The following GALNT10 variants were observed in gnomAD, a reference collection of about 807,000 sequenced individuals.
GALNT10 encodes the protein GalNAc transferase 10.
GALNT10 carries 41 observed loss-of-function variants against 75.0 expected under a neutral mutation model. The ratio of observed to expected loss-of-function variants is 0.55; its 90% confidence interval spans 0.43 to 0.71. The LOEUF (loss-of-function observed/expected upper bound fraction) is 0.71. Ranked by LOEUF, GALNT10 falls within the 30% of genes least tolerant of loss-of-function variation. The pLI, the probability that GALNT10 is intolerant of heterozygous loss-of-function variation, is 0.00. For synonymous variants in GALNT10, 302 were observed against 313.0 expected (o/e 0.96, Z 0.37); for missense variants, 727 against 818.5 (o/e 0.89, Z 1.36).
chr5:154,199,299 G>C (rs1331231876), intron 1 of GALNT10, among the ~76,000 whole-genome samples: 1 of 152,078 alleles, frequency 6.6e-6, no homozygotes, highest in East Asian at 1.9e-4. Context: ...GTCCAACAGG[G>C]AACTCCTCTC....
intron 3 of GALNT10, among the ~76,000 whole-genome samples, chr5:154,316,674 CA>C (rs1056353498): frequency 6.6e-6 from 1 of 152,192 alleles, no homozygotes; most frequent in Non-Finnish European, 1.5e-5. Context: ...TGTTTCCTGC[CA>C]TTTTAATTCC....
rs1205801786 is a variant in GALNT10, at chr5:154,402,109, A to C, written c.1057-1995A>C. 6.6e-6 allele frequency among the ~76,000 whole-genome samples: 1 copy of C among 152,176 alleles called. No homozygotes were observed. The highest frequency in any genetic ancestry group is 2.4e-5 in the African/African-American group (1 of 41,438). ...TGTTCTCCACCCCACTGGCAGAGTC[A>C]TCTTTGTAAGATGTAAGTGGATTGT... On this transcript the variant is annotated intron_variant, in intron 7 of 11. Transcript: ENST00000297107. The surrounding 1 kb of genome is among the most constrained non-coding windows in gnomAD (Gnocchi z 4.2).
Position 154,416,868 on chromosome 5 carries a change from G to A in GALNT10, c.1708G>A (p.Asp570Asn), listed in dbSNP as rs1217071200. 6.2e-7 allele frequency: 1 copy of A among 1,613,198 alleles called. No homozygotes were observed. Among genetic ancestry groups the A allele is most frequent in the South Asian group, 1.1e-5 (1 of 91,056 alleles). The change falls in exon 12 of 12, where the codon GAC (aspartate) becomes AAC (asparagine). Residue 570 changes from aspartate to asparagine, a missense_variant. Coordinates refer to ENST00000297107, the MANE Select transcript of GALNT10 (RefSeq NM_198321.4). The surrounding 1 kb of genome is among the most constrained non-coding windows in gnomAD (Gnocchi z 4.5). ...SGSCMDCSES[D>N]HRIFMNTCNP... is the part of the protein sequence containing the mutation. ...CAGCTGCATGGACTGCAGTGAAAGT[G>A]ACCATAGGATCTTCATGAACACCTG...
intron 4 of GALNT10, among the ~76,000 whole-genome samples, chr5:154,336,224 C>A (rs1754943125): frequency 6.6e-6 from 1 of 152,138 alleles, no homozygotes; most frequent in African/African-American, 2.4e-5. Context: ...GTTTGTTTAT[C>A]CATTCACCTA....
intron 8 of GALNT10, 114 bp downstream of exon 8, chr5:154,404,325 G>A: frequency 1.7e-6 from 1 of 598,612 alleles, no homozygotes. Context: ...TTGAGGATGT[G>A]CCTCCCATTC....
chr5:154,301,031 G>T (rs1451742478), intron 3 of GALNT10, among the ~76,000 whole-genome samples: 1 of 152,190 alleles, frequency 6.6e-6, no homozygotes, highest in Non-Finnish European at 1.5e-5. Flanking sequence ...CCAGGATGAG[G>T]ACCTAGCCCC....
In GALNT10 at chr5:154,357,073, A is replaced by AT. The variant is rs202227033; in HGVS notation, c.569-19196dup. On this transcript the variant is annotated intron_variant, in intron 4 of 11. Coordinates refer to ENST00000297107, the MANE Select transcript of GALNT10 (RefSeq NM_198321.4). ...GGTATGTTTATAGAAGAGGCCACAG[A>AT]TTTTTTTTGCTTTTAAAGGGGACTG... Among the ~76,000 whole-genome samples the AT allele has an allele frequency of 7.6e-3, 1,158 of 152,018 alleles. 17 individuals are homozygous for AT. Among genetic ancestry groups the AT allele is most frequent in the African/African-American group, 0.026 (1,095 of 41,478 alleles).
At chr5:154,337,602 A>G (rs1026481852) in intron 4 of GALNT10, 15 of 841,632 alleles carry the variant, frequency 1.8e-5, no homozygotes, top group African/African-American at 9.9e-5. Context: ...TCCTCCCTTC[A>G]TGGGTCCAAA....
chr5:154,307,795 G>A (rs1754456915), intron 3 of GALNT10, among the ~76,000 whole-genome samples: 2 of 151,510 alleles, frequency 1.3e-5, no homozygotes, highest in African/African-American at 2.4e-5. Flanking sequence ...TTGGGCAGGT[G>A]GTATCATCGT....
Position 154,416,448 on chromosome 5 carries a change from AT to A in GALNT10, c.1654-364del, listed in dbSNP as rs1311796418. ...AACCTGTCTCAAAAAAATTAAAAAAATTAAAAAAATAAAAGATAAAAGGAAA... is the reference window on the plus strand; with the variant it reads ...AACCTGTCTCAAAAAAATTAAAAAAATAAAAAAATAAAAGATAAAAGGAAA... On this transcript the variant is annotated intron_variant, in intron 11 of 11. Coordinates refer to ENST00000297107, the MANE Select transcript of GALNT10 (RefSeq NM_198321.4). This position sits in a 1 kb window ranked among gnomAD's most constrained non-coding sequence, Gnocchi z 4.5. Among the ~76,000 whole-genome samples, 8 of 150,592 alleles carry A rather than the reference AT, an allele frequency of 5.3e-5. No homozygotes were observed. Among genetic ancestry groups the A allele is most frequent in the Admixed American group, 1.3e-4 (2 of 14,948 alleles).
intron 4 of GALNT10, chr5:154,338,203 C>T: frequency 1.3e-6 from 1 of 759,584 alleles, no homozygotes; most frequent in Non-Finnish European, 2.4e-6. Context: ...CTTTGTGTGG[C>T]CTTGCATTCA....
chr5:154,251,616 A>G (rs1753524924), intron 1 of GALNT10, among the ~76,000 whole-genome samples: 1 of 152,020 alleles, frequency 6.6e-6, no homozygotes, highest in Non-Finnish European at 1.5e-5. Flanking sequence ...TTTCTTTTTC[A>G]TTTATTCAGT....
chr5:154,244,426 A>T (rs1256605653), intron 1 of GALNT10, among the ~76,000 whole-genome samples: 1 of 152,144 alleles, frequency 6.6e-6, no homozygotes. Context: ...TAATTAAAAA[A>T]AAAAGAATTA....
chr5:154,264,359 ATATGGAG>A (rs1261347368), intron 1 of GALNT10, among the ~76,000 whole-genome samples: 28 of 152,086 alleles, frequency 1.8e-4, no homozygotes, highest in African/African-American at 6.5e-4. Context: ...GGAAACCTGA[ATATGGAG>A]TATGTATTAG....
Position 154,404,205 on chromosome 5 carries a change from G to A in GALNT10, c.1158G>A (p.Leu386=). ...VPYKVPAGVS[L]ARNLKRVAEV... ...ACAAGGTCCCGGCCGGAGTCAGCCTGGCCCGGGTAAGGTGGTGGCTTTCCT... is the reference window on the plus strand; with the variant it reads ...ACAAGGTCCCGGCCGGAGTCAGCCTAGCCCGGGTAAGGTGGTGGCTTTCCT... Residue 386 remains leucine (L), a synonymous_variant, in exon 8 of 12, where the codon CTG becomes CTA. Transcript: ENST00000297107. 1 of 1,591,716 alleles carries A rather than the reference G, an allele frequency of 6.3e-7. No individual in the cohort carries two copies. Among genetic ancestry groups the A allele is most frequent in the Non-Finnish European group, 8.6e-7 (1 of 1,166,618 alleles).
At chr5:154,218,111 G>A in intron 1 of GALNT10, 3 of 985,346 alleles carry the variant, frequency 3.0e-6, no homozygotes, top group Non-Finnish European at 3.6e-6. Context: ...AGAGGGCTCA[G>A]ATGCACAGCC....
chr5:154,253,706 CTTTTTTTTT>C (rs33933907), intron 1 of GALNT10, among the ~76,000 whole-genome samples: 1 of 72,672 alleles, frequency 1.4e-5, no homozygotes. Flanking sequence ...AAAGCCTCCT[CTTTTTTTTT>C]TTTTTTTTTT....
chr5:154,361,500 T>C (rs1364045282), intron 4 of GALNT10, among the ~76,000 whole-genome samples: 1 of 152,228 alleles, frequency 6.6e-6, no homozygotes, highest in Non-Finnish European at 1.5e-5. Context: ...ATGTTCTCAT[T>C]GCAGAAATGT....
At chr5:154,369,961 C>T (rs933751002) in intron 4 of GALNT10, among the ~76,000 whole-genome samples, 27 of 152,212 alleles carry the variant, frequency 1.8e-4, no homozygotes, top group Admixed American at 6.5e-4. Context: ...CTACTTTTGG[C>T]GCTCCTCAGT....
Sources: gnomAD v4.1 joint callset for allele counts (sites outside exome capture counted in the v4.1 genomes callset) on GRCh38, gnomAD v4.1.1 for gene constraint, Gnocchi (gnomAD v3.1) non-coding constraint, MANE v1.5 for transcripts, NCBI Gene and HGNC (gene_info 2026-07-23, HGNC 2026-07-21) for gene names.